Variants in IQGAP2 observed in about 807,000 individuals in gnomAD.
IQGAP2 encodes ras GTPase-activating-like protein IQGAP2.
IQGAP2 carries 173 observed loss-of-function variants against 201.3 expected under a neutral mutation model. That is an observed-to-expected ratio of 0.86 (90% CI 0.76 to 0.98). The LOEUF (loss-of-function observed/expected upper bound fraction) is 0.98. Among genes scored for constraint, IQGAP2 ranks in the 50% least tolerant of loss-of-function variants. IQGAP2 has a pLI of 0.00. For missense variants in IQGAP2, 1,687 were observed against 1,864.8 expected (o/e 0.90, Z 1.76); for synonymous variants, 675 against 673.9 (o/e 1.00, Z -0.03).
intron 1 of IQGAP2, among the ~76,000 whole-genome samples, chr5:76,411,038 G>A (rs946394371): frequency 6.6e-6 from 1 of 152,194 alleles, no homozygotes; most frequent in African/African-American, 2.4e-5. Context: ...AGTAACAGCA[G>A]CGGAGCATCT....
At chr5:76,618,583 C>T in intron 13 of IQGAP2, 2 of 1,614,026 alleles carry the variant, frequency 1.2e-6, no homozygotes, top group Non-Finnish European at 1.7e-6. Flanking sequence ...GGGGGAGCTC[C>T]ACGAAAGGTC....
intron 22 of IQGAP2, among the ~76,000 whole-genome samples, chr5:76,666,425 ATTTAGTTTTCTCAATTT>A (rs1018379239): frequency 1.2e-4 from 19 of 152,190 alleles, no homozygotes; most frequent in African/African-American, 4.3e-4. Flanking sequence ...ATTCTTTAGA[ATTTAGTTTTCTCAATTT>A]GACAGAATTT....
chr5:76,662,158 C>T (rs970277562), intron 21 of IQGAP2, among the ~76,000 whole-genome samples: 5 of 152,216 alleles, frequency 3.3e-5, no homozygotes, highest in South Asian at 2.1e-4. Context: ...CAAGTCAGAA[C>T]CTCACAGGGA....
At chr5:76,674,062 A>G in intron 26 of IQGAP2, 26 bp downstream of exon 26, 1 of 1,278,476 alleles carries the variant, frequency 7.8e-7, no homozygotes, top group South Asian at 1.2e-5. Flanking sequence ...TAATCTCACC[A>G]TAGCTTCTCC....
At chr5:76,416,782 T>C (rs1751430694) in intron 1 of IQGAP2, among the ~76,000 whole-genome samples, 1 of 152,046 alleles carries the variant, frequency 6.6e-6, no homozygotes, top group Admixed American at 6.6e-5. Flanking sequence ...CACCTCGGCT[T>C]CCCAAAGTCC....
At chr5:76,409,780 G>A (rs1751007699) in intron 1 of IQGAP2, among the ~76,000 whole-genome samples, 1 of 152,082 alleles carries the variant, frequency 6.6e-6, no homozygotes, top group African/African-American at 2.4e-5. Context: ...CTTTAGTAGT[G>A]AAGCCGACCT....
In IQGAP2 at chr5:76,641,117, C is replaced by G; in HGVS notation, c.2094+14C>G. ...GTCAAAATACAGGTATGTGGATCACCTGCCACTGTTTACACAAAACTGTCA... is the reference window on the plus strand; with the variant it reads ...GTCAAAATACAGGTATGTGGATCACGTGCCACTGTTTACACAAAACTGTCA... On this transcript the variant is annotated intron_variant, in intron 17 of 35. Transcript: ENST00000274364. 1 of 1,558,642 alleles carries G rather than the reference C, an allele frequency of 6.4e-7. No homozygotes were observed. The highest frequency in any genetic ancestry group is 8.8e-7 in the Non-Finnish European group (1 of 1,139,542).
intron 1 of IQGAP2, among the ~76,000 whole-genome samples, chr5:76,412,707 G>A (rs1355177457): frequency 6.6e-6 from 1 of 152,130 alleles, no homozygotes; most frequent in Non-Finnish European, 1.5e-5. Flanking sequence ...TGCATAACAT[G>A]TCTATACTGT....
intron 27 of IQGAP2, among the ~76,000 whole-genome samples, chr5:76,675,302 C>G (rs1580790801): frequency 6.6e-6 from 1 of 152,160 alleles, no homozygotes; most frequent in East Asian, 1.9e-4. Context: ...TGAGTATGCA[C>G]AAATTTTGGT....
intron 2 of IQGAP2, among the ~76,000 whole-genome samples, chr5:76,513,105 C>T (rs1419693673): frequency 6.6e-6 from 1 of 151,736 alleles, no homozygotes; most frequent in African/African-American, 2.4e-5. Context: ...TTTGCACTTT[C>T]GTGGCCTTGG....
chr5:76,673,164 T>G (rs1236268174), intron 24 of IQGAP2, among the ~76,000 whole-genome samples: 1 of 152,222 alleles, frequency 6.6e-6, no homozygotes, highest in East Asian at 1.9e-4. Context: ...AATGAACATT[T>G]GCTTTTTATA....
At chr5:76,702,211 T>G (rs1418777121) in intron 34 of IQGAP2, among the ~76,000 whole-genome samples, 3 of 152,220 alleles carry the variant, frequency 2.0e-5, no homozygotes, top group Non-Finnish European at 4.4e-5. Context: ...TTTATGCTCT[T>G]GAAGAGCAAG....
chr5:76,437,366 A>T (rs1009987669), intron 1 of IQGAP2, among the ~76,000 whole-genome samples: 1 of 152,114 alleles, frequency 6.6e-6, no homozygotes, highest in Non-Finnish European at 1.5e-5. Flanking sequence ...CTTTTTAAAA[A>T]ATTTTTATTT....
chr5:76,633,241 G>GA (rs1235441534), intron 15 of IQGAP2, among the ~76,000 whole-genome samples: 1 of 152,046 alleles, frequency 6.6e-6, no homozygotes, highest in Admixed American at 6.6e-5. Flanking sequence ...CTTCTGGGAA[G>GA]AAAAAAATGG....
chr5:76,601,946 T>C lies in IQGAP2; in HGVS notation c.1232+974T>C, dbSNP rs114363507. Reference sequence around the variant, plus strand: ...CTGGTTCATATGACTCCTTAGAGTGTGTTTCCAAGGTAATTTATATCTACC... The same window carrying C: ...CTGGTTCATATGACTCCTTAGAGTGCGTTTCCAAGGTAATTTATATCTACC... On this transcript the variant is annotated intron_variant, in intron 11 of 35. Transcript: ENST00000274364. Among the ~76,000 whole-genome samples the C allele has an allele frequency of 5.1e-3, 770 of 152,300 alleles. 6 individuals carry two copies. Among genetic ancestry groups the C allele is most frequent in the African/African-American group, 0.017 (702 of 41,562 alleles).
chr5:76,581,915 A>AG (rs1275057790), intron 5 of IQGAP2, among the ~76,000 whole-genome samples: 1 of 152,270 alleles, frequency 6.6e-6, no homozygotes, highest in Non-Finnish European at 1.5e-5. Context: ...CCACTTTGAT[A>AG]GGTTATCAAT....
intron 23 of IQGAP2, among the ~76,000 whole-genome samples, chr5:76,670,239 C>T (rs371426074): frequency 2.1e-3 from 322 of 152,292 alleles, no homozygotes; most frequent in African/African-American, 7.3e-3. Context: ...AGGCCGGGCA[C>T]GGTGGCTCAC....
At chr5:76,448,834 G>T (rs1017355983) in intron 1 of IQGAP2, among the ~76,000 whole-genome samples, 1 of 152,166 alleles carries the variant, frequency 6.6e-6, no homozygotes, top group Non-Finnish European at 1.5e-5. Flanking sequence ...AATATCATCA[G>T]TGACTTAACA....
Position 76,693,419 on chromosome 5 carries a change from G to C in IQGAP2, c.3970G>C (p.Glu1324Gln), listed in dbSNP as rs192621142. ...AGGGAACACATTGACAGAAATCTTA[G>C]AGACACCAGCAACTGCGCAACAGGT... is the stretch of plus-strand genomic sequence containing the variant. ...QPGNTLTEILETPATAQQEVD... is the reference protein window; with the variant it reads ...QPGNTLTEILQTPATAQQEVD... The change falls in exon 31 of 36, where the codon GAG becomes CAG. Residue 1324 changes from glutamate to glutamine, a missense_variant. Physicochemically the swap from Glu to Gln is conservative, Grantham distance 29. Coordinates refer to ENST00000274364, the MANE Select transcript of IQGAP2 (RefSeq NM_006633.5). 2.4e-5 allele frequency: 38 copies of C among 1,612,836 alleles called. No individual in the cohort carries two copies. Among genetic ancestry groups the C allele is most frequent in the Middle Eastern group, 3.3e-4 (2 of 6,080 alleles).
Sources: allele counts gnomAD v4.1 joint callset (sites outside exome capture counted in the v4.1 genomes callset), GRCh38; gene constraint gnomAD v4.1.1; transcripts MANE v1.5; gene names NCBI Gene and HGNC (gene_info 2026-07-23, HGNC 2026-07-21).